Variants in BMP6 observed in about 807,000 individuals in gnomAD.
The protein encoded by BMP6 is VG-1-R.
BMP6 carries 17 observed loss-of-function variants against 54.1 expected under a neutral mutation model. The ratio of observed to expected loss-of-function variants is 0.31; its 90% CI spans 0.22 to 0.47. The LOEUF is 0.47. BMP6 is among the 20% of genes least tolerant of loss of function. The pLI, the probability that BMP6 is intolerant of heterozygous loss-of-function variation, is 1.00. For synonymous variants in BMP6, 328 were observed against 291.2 expected, an observed-to-expected ratio of 1.13 and a Z score of -1.28; for missense variants, 720 against 690.4, an observed-to-expected ratio of 1.04 and a Z score of -0.48.
chr6:7,759,306 G>A (rs1757572003), intron 1 of BMP6, among the ~76,000 whole-genome samples: 1 of 152,198 alleles, frequency 6.6e-6, no homozygotes, highest in Admixed American at 6.5e-5. Flanking sequence ...GGTTCCTTGA[G>A]CAGTTCCACG....
chr6:7,744,241 C>G (rs945075061), intron 1 of BMP6, among the ~76,000 whole-genome samples: 1 of 152,180 alleles, frequency 6.6e-6, no homozygotes, highest in East Asian at 1.9e-4. Context: ...AATCCCAGCA[C>G]TTGGGGAGGC....
intron 1 of BMP6, among the ~76,000 whole-genome samples, chr6:7,773,141 A>C (rs1757814969): frequency 6.6e-6 from 1 of 152,172 alleles, no homozygotes; most frequent in Non-Finnish European, 1.5e-5. Context: ...AATTTTGCCC[A>C]ACTGATGCCT....
At chr6:7,819,743 C>G (rs920102721) in intron 1 of BMP6, among the ~76,000 whole-genome samples, 1 of 152,156 alleles carries the variant, frequency 6.6e-6, no homozygotes, top group Non-Finnish European at 1.5e-5. Flanking sequence ...GTCTTTAAAT[C>G]CCAGATGTTG....
chr6:7,794,238 A>G (rs1758158574), intron 1 of BMP6, among the ~76,000 whole-genome samples: 1 of 152,190 alleles, frequency 6.6e-6, no homozygotes, highest in Non-Finnish European at 1.5e-5. Context: ...CTTGAAAGCC[A>G]AAAGTTGGGC....
rs1667522562 is a variant in BMP6 at position 7,726,123 on chromosome 6, G to GGGAGCGCGGCGT, written c.-828_-817dup. 6.6e-6 allele frequency among the ~76,000 whole-genome samples: 1 copy of GGGAGCGCGGCGT among 152,354 alleles called. No homozygotes were observed. Among genetic ancestry groups the GGGAGCGCGGCGT allele is most frequent in the Non-Finnish European group, 1.5e-5 (1 of 68,036 alleles). ...CAGAAAGCCCACGTTGGCCGCTGCG[G>GGGAGCGCGGCGT]GGAGCGCGGCGTGGAGAGGCGGGAG... is the stretch of plus-strand genomic sequence containing the variant. On this transcript the variant is annotated 5_prime_UTR_variant, in exon 1 of 7. Coordinates refer to ENST00000283147, the MANE Select transcript of BMP6 (RefSeq NM_001718.6).
chr6:7,738,338 CA>C (rs757158045), intron 1 of BMP6, among the ~76,000 whole-genome samples: 8 of 152,152 alleles, frequency 5.3e-5, no homozygotes, highest in Non-Finnish European at 1.0e-4. Flanking sequence ...CCTCATAGAT[CA>C]GGGGAGGGAC....
intron 1 of BMP6, among the ~76,000 whole-genome samples, chr6:7,794,512 A>T (rs140527021): frequency 6.7e-6 from 1 of 149,294 alleles, no homozygotes; most frequent in African/African-American, 2.4e-5. Context: ...AGGCAGAAGG[A>T]TTGCCTGAGT....
At chr6:7,852,797 C>G (rs1759166428) in intron 2 of BMP6, among the ~76,000 whole-genome samples, 1 of 152,104 alleles carries the variant, frequency 6.6e-6, no homozygotes, top group Non-Finnish European at 1.5e-5. Context: ...AGCTTAATAT[C>G]TGGTAAATAC....
chr6:7,741,629 C>CA, intron 1 of BMP6, among the ~76,000 whole-genome samples: 2 of 151,486 alleles, frequency 1.3e-5, no homozygotes, highest in East Asian at 3.9e-4. Context: ...GATGGGGTCT[C>CA]ATTATGTTGC....
chr6:7,823,693 G>A (rs928210111), intron 1 of BMP6, among the ~76,000 whole-genome samples: 1 of 152,196 alleles, frequency 6.6e-6, no homozygotes, highest in South Asian at 2.1e-4. Context: ...AGAGAAAGCT[G>A]TGTGGCTGTC....
intron 1 of BMP6, among the ~76,000 whole-genome samples, chr6:7,837,359 A>G (rs906923048): frequency 6.6e-6 from 1 of 152,236 alleles, no homozygotes; most frequent in Non-Finnish European, 1.5e-5. Flanking sequence ...TAGTGAGAAA[A>G]AAAGAAAAAT....
At chr6:7,815,444 G>T (rs973487983) in intron 1 of BMP6, among the ~76,000 whole-genome samples, 2 of 152,218 alleles carry the variant, frequency 1.3e-5, no homozygotes, top group Non-Finnish European at 2.9e-5. Context: ...GGGATTGAGA[G>T]AAATAAATCA....
chr6:7,775,127 G>A (rs1248128195), intron 1 of BMP6, among the ~76,000 whole-genome samples: 1 of 152,196 alleles, frequency 6.6e-6, no homozygotes, highest in Non-Finnish European at 1.5e-5. Context: ...CCTCTCAACA[G>A]TGTTGCGTTG....
At chr6:7,870,316 C>T (rs1299554463) in intron 4 of BMP6, among the ~76,000 whole-genome samples, 2 of 152,204 alleles carry the variant, frequency 1.3e-5, no homozygotes, top group Admixed American at 1.3e-4. Context: ...GTCCCGCCAT[C>T]GGGAATGGAT....
At chr6:7,858,167 C>T (rs1759278454) in intron 2 of BMP6, among the ~76,000 whole-genome samples, 1 of 152,202 alleles carries the variant, frequency 6.6e-6, no homozygotes, top group Non-Finnish European at 1.5e-5. Context: ...ACTGCAGCCT[C>T]CACTTCCCCG....
rs1446087840 is a variant in BMP6, at chr6:7,880,454, A to G, written c.*111A>G. The G allele has an allele frequency of 1.4e-5, 19 of 1,403,614 alleles. No homozygotes were observed. In the East Asian group the frequency reaches 1.6e-4, roughly 12 times the overall value. 86.9% of individuals were successfully genotyped at this position (1,403,614 alleles called of 1,614,324 possible). ...GGTGGGACGATGAGACTTTGAAACT[A>G]TCTCATGCCAGTGCCTTATTACCCA... On this transcript the variant is annotated 3_prime_UTR_variant, in exon 7 of 7. Coordinates refer to ENST00000283147, the MANE Select transcript of BMP6 (RefSeq NM_001718.6).
rs1197831533 is a variant in BMP6 at position 7,770,681 on chromosome 6, G to GT, written c.664+43063dup. Among the ~76,000 whole-genome samples the GT allele has an allele frequency of 5.9e-5, 9 of 152,328 alleles. No homozygotes were observed. The East Asian group carries it at 1.7e-3, about 29-fold the overall frequency. On this transcript the variant is annotated intron_variant, in intron 1 of 6. Transcript: ENST00000283147. ...CTTTTGATTCTGTACATCACCTGGG[G>GT]TGCTCGTAAGGATTCCTGAGCTCCT...
chr6:7,852,830 C>A (rs577120580), intron 2 of BMP6, among the ~76,000 whole-genome samples: 30 of 152,222 alleles, frequency 2.0e-4, no homozygotes, highest in South Asian at 4.2e-4. Flanking sequence ...TGTTGGAGTT[C>A]AAGGAGGCCA....
At chr6:7,874,144 G>A (rs896841707) in intron 4 of BMP6, among the ~76,000 whole-genome samples, 6 of 152,190 alleles carry the variant, frequency 3.9e-5, no homozygotes, top group Admixed American at 1.3e-4. Flanking sequence ...TGATGGGGTA[G>A]GGGGCAGGTG....
Sources: gnomAD v4.1 joint callset for allele counts (sites outside exome capture counted in the v4.1 genomes callset) on GRCh38, gnomAD v4.1.1 for gene constraint, MANE v1.5 for transcripts, NCBI Gene and HGNC (gene_info 2026-07-23, HGNC 2026-07-21) for gene names.